Variants in OLFM2 observed in about 807,000 individuals in gnomAD.
The protein encoded by OLFM2 is noelin-2.
In OLFM2, 20 loss-of-function variants were observed where a neutral mutation model predicts 43.9. The ratio of observed to expected loss-of-function variants is 0.46; its 90% CI spans 0.32 to 0.66. The LOEUF (loss-of-function observed/expected upper bound fraction) is 0.66, where lower values mean the gene tolerates loss of function less well. Ranked by LOEUF, OLFM2 falls within the 30% of genes least tolerant of loss-of-function variation. The probability of loss-of-function intolerance (pLI) is 0.04; values close to 1 mark genes in which losing one functional copy is unlikely to be tolerated. For synonymous variants in OLFM2, 268 were observed against 278.6 expected (o/e 0.96, Z 0.38); for missense variants, 416 against 643.6 (o/e 0.65, Z 3.83).
intron 1 of OLFM2, among the ~76,000 whole-genome samples, chr19:9,868,852 C>T (rs544556008): frequency 1.3e-3 from 205 of 152,070 alleles, no homozygotes; most frequent in African/African-American, 4.6e-3. Flanking sequence ...AGGAGGATCA[C>T]TTGAGCCCAG....
intron 1 of OLFM2, among the ~76,000 whole-genome samples, chr19:9,928,580 G>A (rs910319386): frequency 2.0e-5 from 3 of 152,094 alleles, no homozygotes; most frequent in Non-Finnish European, 4.4e-5. Flanking sequence ...CAAGGTGGGT[G>A]GATCACTTGA....
Position 9,856,280 on chromosome 19 carries a change from TAG to T in OLFM2, c.687+525_687+526del, listed in dbSNP as rs1326115296. Among the ~76,000 whole-genome samples the T allele has an allele frequency of 1.3e-5, 2 of 152,170 alleles. No individual in the cohort carries two copies. The highest frequency in any genetic ancestry group is 4.8e-5 in the African/African-American group (2 of 41,432). ...TGTCCGGCTAATTTTGTATTTTTAG[TAG>T]AGACAGGGTTTCTCCATGTTGGTCA... On this transcript the variant is annotated intron_variant, in intron 5 of 5. Transcript: ENST00000264833. The surrounding 1 kb of genome is among the most constrained non-coding windows in gnomAD (Gnocchi z 4.0).
intron 1 of OLFM2, among the ~76,000 whole-genome samples, chr19:9,899,112 A>C (rs1410821681): frequency 1.3e-5 from 2 of 151,974 alleles, no homozygotes; most frequent in African/African-American, 4.8e-5. Flanking sequence ...TAAAAATACA[A>C]AAATTAGACA....
chr19:9,866,379 T>C (rs562366240), intron 1 of OLFM2, among the ~76,000 whole-genome samples: 4 of 152,154 alleles, frequency 2.6e-5, no homozygotes, highest in African/African-American at 9.6e-5. Context: ...TGTCCTACTC[T>C]AGGGGAAATG....
intron 1 of OLFM2, among the ~76,000 whole-genome samples, chr19:9,926,775 T>C (rs1041477944): frequency 6.7e-6 from 1 of 150,078 alleles, no homozygotes; most frequent in Non-Finnish European, 1.5e-5. Flanking sequence ...AGCCCAGGAG[T>C]TCAAGACCGG....
In OLFM2 at chr19:9,891,422, C is replaced by T. The variant is rs112998966; in HGVS notation, c.64-30628G>A. Among the ~76,000 whole-genome samples the T allele has an allele frequency of 9.1e-3, 1,379 of 151,120 alleles. 21 individuals carry two copies. Among genetic ancestry groups the T allele is most frequent in the African/African-American group, 0.032 (1,323 of 41,156 alleles). ...GGTGAATCACTTGAGGTCAGGAGTT[C>T]GAGACCAGCCTGGCCAACATGGTGA... is the stretch of plus-strand genomic sequence containing the variant. On this transcript the variant is annotated intron_variant, in intron 1 of 5. Transcript: ENST00000264833.
intron 1 of OLFM2, among the ~76,000 whole-genome samples, chr19:9,892,265 C>T (rs189634044): frequency 2.6e-5 from 4 of 152,116 alleles, no homozygotes; most frequent in Admixed American, 1.3e-4. Context: ...GGTGTGACAG[C>T]CTATATGGAG....
At chr19:9,918,947 C>T (rs1013773541) in intron 1 of OLFM2, among the ~76,000 whole-genome samples, 6 of 152,102 alleles carry the variant, frequency 3.9e-5, no homozygotes, top group Non-Finnish European at 7.4e-5. Flanking sequence ...GGGGTGATGG[C>T]TGCACAACTC....
At chr19:9,912,839 C>T (rs190104705) in intron 1 of OLFM2, among the ~76,000 whole-genome samples, 6 of 151,002 alleles carry the variant, frequency 4.0e-5, no homozygotes, top group South Asian at 2.1e-4. Context: ...GCAAGAATGG[C>T]GGAAGGGGTG....
chr19:9,858,238 G>A (rs4804462), intron 2 of OLFM2: 13 of 240,486 alleles, frequency 5.4e-5, no homozygotes, highest in African/African-American at 1.7e-4. Context: ...CACCCCCCCC[G>A]CCCAACCCAC....
chr19:9,905,447 A>C (rs1029294588), intron 1 of OLFM2, among the ~76,000 whole-genome samples: 6 of 151,786 alleles, frequency 4.0e-5, no homozygotes, highest in Non-Finnish European at 7.4e-5. Flanking sequence ...ACAGAGCGAG[A>C]CTCCATCTCA....
At chr19:9,876,110 C>T (rs190807074) in intron 1 of OLFM2, among the ~76,000 whole-genome samples, 11 of 152,250 alleles carry the variant, frequency 7.2e-5, no homozygotes, top group Non-Finnish European at 1.5e-4. Flanking sequence ...GTTTTTCAGA[C>T]GTAAAAATGA....
chr19:9,889,960 T>C (rs1568376978), intron 1 of OLFM2, among the ~76,000 whole-genome samples: 1 of 152,016 alleles, frequency 6.6e-6, no homozygotes, highest in African/African-American at 2.4e-5. Flanking sequence ...CAGGCCCCTA[T>C]AAATATTCAT....
chr19:9,936,176 C>T (rs1396714027), intron 1 of OLFM2, 128 bp downstream of exon 1: 8 of 1,060,092 alleles, frequency 7.5e-6, no homozygotes, highest in Non-Finnish European at 1.1e-5. Context: ...CGCTGCGACC[C>T]CCGCCCCTCG....
At chr19:9,858,094 C>T (rs915201067) in intron 2 of OLFM2, 2 of 609,134 alleles carry the variant, frequency 3.3e-6, no homozygotes, top group African/African-American at 1.8e-5. Context: ...CACCACCTCT[C>T]ACCTCCTCCC....
chr19:9,919,462 C>T (rs1052931422), intron 1 of OLFM2, among the ~76,000 whole-genome samples: 11 of 147,768 alleles, frequency 7.4e-5, no homozygotes, highest in African/African-American at 2.5e-4. Context: ...ACACCTTGCC[C>T]GGCCGAGACC....
intron 1 of OLFM2, among the ~76,000 whole-genome samples, chr19:9,887,590 C>T (rs561711671): frequency 1.3e-5 from 2 of 152,224 alleles, no homozygotes; most frequent in Non-Finnish European, 2.9e-5. Context: ...CTCACCTGAA[C>T]CAGCAGAGTT....
chr19:9,889,322 A>T (rs12979606), intron 1 of OLFM2, among the ~76,000 whole-genome samples: 59,020 of 151,790 alleles, frequency 0.39, 12,908 homozygotes, highest in Admixed American at 0.53. Context: ...CGATCACAGC[A>T]CACACAGTGT....
intron 1 of OLFM2, among the ~76,000 whole-genome samples, chr19:9,895,299 G>A (rs2046673689): frequency 6.6e-6 from 1 of 151,948 alleles, no homozygotes; most frequent in African/African-American, 2.4e-5. Flanking sequence ...ACCAGCCTGG[G>A]CAACATACTA....
Sources: allele counts gnomAD v4.1 joint callset (sites outside exome capture counted in the v4.1 genomes callset), GRCh38; gene constraint gnomAD v4.1.1; non-coding constraint Gnocchi (gnomAD v3.1); transcripts MANE v1.5; gene names NCBI Gene and HGNC (gene_info 2026-07-23, HGNC 2026-07-21).